The following LINGO2 variants were observed in gnomAD, a reference collection of about 807,000 sequenced individuals.
LINGO2 encodes leucine rich repeat and Ig domain containing 2.
Under a neutral mutation model 30.6 loss-of-function variants are expected in LINGO2, and 14 were observed. That is an observed-to-expected ratio of 0.46 (90% CI 0.30 to 0.72). LINGO2 has a LOEUF of 0.72. Ranked by LOEUF, LINGO2 falls within the 30% of genes least tolerant of loss-of-function variation. The pLI, the probability that LINGO2 is intolerant of heterozygous loss-of-function variation, is 0.07. For synonymous variants in LINGO2, 317 were observed against 288.5 expected, an observed-to-expected ratio of 1.10 and a Z score of -1.00; for missense variants, 729 against 751.7, an observed-to-expected ratio of 0.97 and a Z score of 0.35.
chr9:28,598,436 A>AC (rs1554643697), intron 1 of LINGO2, among the ~76,000 whole-genome samples: 133 of 128,016 alleles, frequency 1.0e-3, no homozygotes, highest in Middle Eastern at 3.7e-3. Flanking sequence ...AAAAAAAAAC[A>AC]AAACAAACAA....
At chr9:29,107,539 T>G in the LINGO2 span, among the ~76,000 whole-genome samples, 1 of 152,142 alleles carries the variant, frequency 6.6e-6, no homozygotes, top group Non-Finnish European at 1.5e-5. Context: ...CCAAAATGAT[T>G]GTCTTTTAAA....
chr9:28,183,354 G>A (rs1819426457), intron 4 of LINGO2, among the ~76,000 whole-genome samples: 1 of 152,016 alleles, frequency 6.6e-6, no homozygotes, highest in African/African-American at 2.4e-5. Flanking sequence ...AATAGGTGCA[G>A]CAAACCACCA....
chr9:27,986,452 C>G (rs1438505270), intron 5 of LINGO2, among the ~76,000 whole-genome samples: 1 of 151,844 alleles, frequency 6.6e-6, no homozygotes, highest in Non-Finnish European at 1.5e-5. Flanking sequence ...GAATTTAGTA[C>G]TCTCCGGTTA....
chr9:28,760,154 T>G, the LINGO2 span, among the ~76,000 whole-genome samples: 1 of 152,070 alleles, frequency 6.6e-6, no homozygotes, highest in African/African-American at 2.4e-5. Flanking sequence ...ATACTGAGCA[T>G]AGATGAAATC....
At chr9:29,147,846 T>G in the LINGO2 span, among the ~76,000 whole-genome samples, 1 of 152,070 alleles carries the variant, frequency 6.6e-6, no homozygotes, top group Non-Finnish European at 1.5e-5. Flanking sequence ...GCAAACTAAA[T>G]GAATGTACAG....
At chr9:28,312,547 C>T (rs1178445236) in intron 3 of LINGO2, among the ~76,000 whole-genome samples, 1 of 151,998 alleles carries the variant, frequency 6.6e-6, no homozygotes, top group Non-Finnish European at 1.5e-5. Flanking sequence ...TATCAACATG[C>T]AGAGAGTACT....
At chr9:28,355,378 TG>T (rs1820155549) in intron 3 of LINGO2, among the ~76,000 whole-genome samples, 1 of 112,302 alleles carries the variant, frequency 8.9e-6, no homozygotes, top group Non-Finnish European at 2.2e-5. Flanking sequence ...TGTGTGTGTG[TG>T]TGTGTGTGTG....
intron 1 of LINGO2, among the ~76,000 whole-genome samples, chr9:28,635,955 C>A (rs139000848): frequency 0.018 from 2,743 of 152,166 alleles, 62 homozygotes; most frequent in Non-Finnish European, 0.027. Flanking sequence ...GATATATCTC[C>A]TAATGCTATC....
the LINGO2 span, among the ~76,000 whole-genome samples, chr9:28,903,642 C>T: frequency 2.0e-5 from 3 of 152,024 alleles, no homozygotes; most frequent in Non-Finnish European, 4.4e-5. Context: ...CCATGCTTGG[C>T]TAATTTATTT....
chr9:28,293,988 AC>A (rs1823833883), intron 4 of LINGO2, among the ~76,000 whole-genome samples: 1 of 152,228 alleles, frequency 6.6e-6, no homozygotes, highest in South Asian at 2.1e-4. Context: ...ACTAAGCAAG[AC>A]AAAAAAATTA....
the LINGO2 span, among the ~76,000 whole-genome samples, chr9:29,104,736 T>C: frequency 6.6e-6 from 1 of 152,206 alleles, no homozygotes; most frequent in African/African-American, 2.4e-5. Flanking sequence ...GTTATAATAT[T>C]GTAGATTAGT....
chr9:27,977,976 G>T (rs1232965245), intron 5 of LINGO2, among the ~76,000 whole-genome samples: 1 of 152,004 alleles, frequency 6.6e-6, no homozygotes, highest in Non-Finnish European at 1.5e-5. Context: ...AGGCTTCAAT[G>T]AAAACATCAT....
the LINGO2 span, among the ~76,000 whole-genome samples, chr9:28,821,499 C>A: frequency 6.6e-6 from 1 of 152,164 alleles, no homozygotes; most frequent in Non-Finnish European, 1.5e-5. Flanking sequence ...CAAAAATGAG[C>A]AAGTGATAAC....
chr9:28,172,207 C>T (rs1243315044), intron 4 of LINGO2, among the ~76,000 whole-genome samples: 6 of 149,664 alleles, frequency 4.0e-5, no homozygotes, highest in East Asian at 4.0e-4. Flanking sequence ...CCGGCTAAAA[C>T]GGTGAAACCC....
At chr9:27,954,837 T>C (rs7850415) in intron 5 of LINGO2, among the ~76,000 whole-genome samples, 84,473 of 151,974 alleles carry the variant, frequency 0.56, 24,915 homozygotes, top group East Asian at 0.81. Context: ...CTGTTTACCA[T>C]AGTGGCTGTA....
At chr9:29,206,407 A>G in the LINGO2 span, among the ~76,000 whole-genome samples, 1 of 152,196 alleles carries the variant, frequency 6.6e-6, no homozygotes, top group African/African-American at 2.4e-5. Flanking sequence ...TCCCTTGCCA[A>G]CACAAGGAGT....
intron 4 of LINGO2, among the ~76,000 whole-genome samples, chr9:28,059,358 C>T (rs370882604): frequency 3.7e-4 from 56 of 152,146 alleles, no homozygotes; most frequent in African/African-American, 1.2e-3. Flanking sequence ...GTGATGCCCC[C>T]CCACCCCACC....
At chr9:28,341,561 A>G (rs2134391348) in intron 3 of LINGO2, among the ~76,000 whole-genome samples, 1 of 152,286 alleles carries the variant, frequency 6.6e-6, no homozygotes, top group African/African-American at 2.4e-5. Context: ...ATGGCATTAA[A>G]TACAATCAGA....
At chr9:28,163,038 T>C in intron 4 of LINGO2, among the ~76,000 whole-genome samples, 1 of 152,106 alleles carries the variant, frequency 6.6e-6, no homozygotes, top group South Asian at 2.1e-4. Flanking sequence ...TTGAGAAGTG[T>C]GGATTTTATC....
Sources: allele counts gnomAD v4.1 joint callset (sites outside exome capture counted in the v4.1 genomes callset), GRCh38; gene constraint gnomAD v4.1.1; transcripts MANE v1.5; gene names NCBI Gene and HGNC (gene_info 2026-07-23, HGNC 2026-07-21).